PTPN13: variants seen among roughly 807,000 people sequenced by gnomAD.
The protein encoded by PTPN13 is tyrosine-protein phosphatase non-receptor type 13.
A neutral mutation model predicts 284.0 loss-of-function variants in PTPN13; 191 were observed. That is an observed-to-expected ratio of 0.67 (90% CI 0.60 to 0.76). The LOEUF is 0.76. Among genes scored for constraint, PTPN13 ranks in the 30% least tolerant of loss-of-function variants. The pLI is 0.00. For synonymous variants in PTPN13, 986 were observed against 1,022.3 expected (o/e 0.96, Z 0.68); for missense variants, 2,797 against 2,939.9 (o/e 0.95, Z 1.12).
intron 1 of PTPN13, chr4:86,595,867 T>G: frequency 1.7e-6 from 1 of 576,662 alleles, no homozygotes; most frequent in Non-Finnish European, 2.2e-6. Context: ...TAAAAGTGCA[T>G]GTATTATGAA....
At chr4:86,694,579 CAAAAAAAAA>C (rs1000226646) in intron 6 of PTPN13, among the ~76,000 whole-genome samples, 1 of 32,362 alleles carries the variant, frequency 3.1e-5, no homozygotes, top group Non-Finnish European at 6.4e-5. Context: ...ACTTCTGTCT[CAAAAAAAAA>C]AAAAAAAAAA....
chr4:86,673,508 A>T (rs1482847469), intron 3 of PTPN13, among the ~76,000 whole-genome samples: 1 of 152,186 alleles, frequency 6.6e-6, no homozygotes, highest in Non-Finnish European at 1.5e-5. Flanking sequence ...ATGTGGTTAA[A>T]GGAAGGAAGA....
intron 2 of PTPN13, among the ~76,000 whole-genome samples, chr4:86,664,205 A>C (rs1327654131): frequency 6.6e-6 from 1 of 152,224 alleles, no homozygotes; most frequent in Non-Finnish European, 1.5e-5. Context: ...TCCCAAAGTC[A>C]GACATTGTAA....
chr4:86,763,618 C>T (rs1042622911), intron 24 of PTPN13, among the ~76,000 whole-genome samples: 6 of 152,170 alleles, frequency 3.9e-5, no homozygotes, highest in African/African-American at 1.4e-4. Flanking sequence ...TTGAAAATAG[C>T]TCATTCTGGC....
At position 86,775,151 on chromosome 4, in the gene PTPN13, C is replaced by G; in HGVS notation, c.5509-20C>G. ...TTCTAAAAATTGTGATCTTCACATG[C>G]CCCTTTCTTGTTTTTGTAGGTTAAT... On this transcript the variant is annotated intron_variant, in intron 33 of 47. Coordinates refer to ENST00000411767, the MANE Select transcript of PTPN13 (RefSeq NM_080683.3). 1 of 1,552,156 alleles carries G rather than the reference C, an allele frequency of 6.4e-7. No individual in the cohort carries two copies. The highest frequency in any genetic ancestry group is 8.7e-7 in the Non-Finnish European group (1 of 1,151,396).
chr4:86,714,031 G>C (rs1267176061), intron 7 of PTPN13, among the ~76,000 whole-genome samples: 4 of 146,524 alleles, frequency 2.7e-5, no homozygotes, highest in African/African-American at 7.6e-5. Context: ...TCACTCCCCA[G>C]TTTTAGATAC....
At chr4:86,792,393 G>A (rs150439040) in intron 40 of PTPN13, among the ~76,000 whole-genome samples, 19 of 152,264 alleles carry the variant, frequency 1.2e-4, no homozygotes, top group Non-Finnish European at 2.1e-4. Context: ...TTGGTGTACC[G>A]GAAAGGACAG....
chr4:86,778,687 T>C (rs969650204), intron 35 of PTPN13, among the ~76,000 whole-genome samples: 1 of 152,152 alleles, frequency 6.6e-6, no homozygotes, highest in African/African-American at 2.4e-5. Flanking sequence ...CATTTTGGTG[T>C]ATAAGCCATC....
At chr4:86,612,399 A>G (rs1010016359) in intron 1 of PTPN13, among the ~76,000 whole-genome samples, 2 of 152,234 alleles carry the variant, frequency 1.3e-5, no homozygotes, top group Admixed American at 6.5e-5. Context: ...TTAAACCTCT[A>G]AAGACTCAAA....
chr4:86,700,644 CA>C (rs1731060563), intron 6 of PTPN13, among the ~76,000 whole-genome samples: 1 of 152,092 alleles, frequency 6.6e-6, no homozygotes, highest in Non-Finnish European at 1.5e-5. Flanking sequence ...ATAACTTAAA[CA>C]CAGTCAAAAT....
At chr4:86,603,098 T>C (rs1370294159) in intron 1 of PTPN13, among the ~76,000 whole-genome samples, 3 of 152,220 alleles carry the variant, frequency 2.0e-5, no homozygotes, top group Non-Finnish European at 4.4e-5. Flanking sequence ...GTATATCTCT[T>C]CTTTGAGAGT....
At chr4:86,647,842 A>G (rs1724616496) in intron 2 of PTPN13, among the ~76,000 whole-genome samples, 1 of 152,130 alleles carries the variant, frequency 6.6e-6, no homozygotes, top group African/African-American at 2.4e-5. Flanking sequence ...AGCCAAGAAG[A>G]GAGTAGTCAG....
At chr4:86,739,310 A>G (rs918768518) in intron 15 of PTPN13, among the ~76,000 whole-genome samples, 4 of 152,206 alleles carry the variant, frequency 2.6e-5, no homozygotes, top group Non-Finnish European at 5.9e-5. Flanking sequence ...CTGCTGATAA[A>G]GACATATACC....
intron 40 of PTPN13, among the ~76,000 whole-genome samples, chr4:86,796,577 G>A (rs1743366874): frequency 6.6e-6 from 1 of 152,138 alleles, no homozygotes; most frequent in Admixed American, 6.5e-5. Context: ...AAGAGTTTGA[G>A]GTTACATGAG....
At chr4:86,741,506 C>T in intron 15 of PTPN13, 128 bp from the exon 16 acceptor site, 1 of 792,686 alleles carries the variant, frequency 1.3e-6, no homozygotes, top group Non-Finnish European at 2.0e-6. Flanking sequence ...GTGGGTCTCT[C>T]CCATAACATG....
intron 7 of PTPN13, among the ~76,000 whole-genome samples, chr4:86,703,926 A>G (rs887003241): frequency 3.9e-5 from 6 of 152,070 alleles, no homozygotes; most frequent in African/African-American, 1.4e-4. Flanking sequence ...TAATCCTGGC[A>G]CTATGGCAGG....
chr4:86,640,548 C>G (rs1723661993), intron 2 of PTPN13, among the ~76,000 whole-genome samples: 1 of 152,104 alleles, frequency 6.6e-6, no homozygotes, highest in Non-Finnish European at 1.5e-5. Flanking sequence ...GCAAATTTAC[C>G]ACTTCAAAAC....
At chr4:86,654,076 T>C (rs1190214187) in intron 2 of PTPN13, among the ~76,000 whole-genome samples, 1 of 152,054 alleles carries the variant, frequency 6.6e-6, no homozygotes, top group Non-Finnish European at 1.5e-5. Context: ...GCAGGAAAGA[T>C]CTAAAATTGA....
intron 2 of PTPN13, among the ~76,000 whole-genome samples, chr4:86,669,509 A>G (rs999377862): frequency 2.6e-5 from 4 of 152,110 alleles, no homozygotes; most frequent in African/African-American, 7.2e-5. Flanking sequence ...AGAGATACAT[A>G]TAGTTCTTAA....
Sources: gnomAD v4.1 joint callset for allele counts (sites outside exome capture counted in the v4.1 genomes callset) on GRCh38, gnomAD v4.1.1 for gene constraint, MANE v1.5 for transcripts, NCBI Gene and HGNC (gene_info 2026-07-23, HGNC 2026-07-21) for gene names.